RSPO4: variants seen among roughly 807,000 people sequenced by gnomAD.
RSPO4 encodes the protein R-spondin 4, also known as R-spondin-4.
A neutral mutation model predicts 24.8 loss-of-function variants in RSPO4; 23 were observed. That is an observed-to-expected ratio of 0.93 (90% CI 0.67 to 1.31). The LOEUF (loss-of-function observed/expected upper bound fraction) is 1.31. Ranked by LOEUF, RSPO4 falls within the 40% of genes most tolerant of loss-of-function variation. RSPO4 has a pLI of 0.00. For synonymous variants in RSPO4, 141 were observed against 127.4 expected, an observed-to-expected ratio of 1.11 and a Z score of -0.72; for missense variants, 333 against 316.5, an observed-to-expected ratio of 1.05 and a Z score of -0.39.
rs1984744207 is a variant in RSPO4 at position 981,840 on chromosome 20, A to C, written c.80-13702T>G. Among the ~76,000 whole-genome samples, 1 of 152,182 alleles carries C rather than the reference A, an allele frequency of 6.6e-6. No individual in the cohort carries two copies. The highest frequency in any genetic ancestry group is 1.5e-5 in the Non-Finnish European group (1 of 68,026). On this transcript the variant is annotated intron_variant, in intron 1 of 4. Transcript: ENST00000217260. This position sits in a 1 kb window ranked among gnomAD's most constrained non-coding sequence, Gnocchi z 4.6. ...TCCTGCAGGGCTCGGCTGGGGCCCA[A>C]ATCAGGGGTTGACACAGTGAGAACA...
chr20:995,188 A>G (rs943700753), intron 1 of RSPO4, among the ~76,000 whole-genome samples: 1 of 152,186 alleles, frequency 6.6e-6, no homozygotes, highest in Non-Finnish European at 1.5e-5. Context: ...AGAATTTCAG[A>G]GAGAAAATGA....
chr20:969,136 C>T (rs1384027073), intron 1 of RSPO4, among the ~76,000 whole-genome samples: 3 of 152,094 alleles, frequency 2.0e-5, no homozygotes, highest in Admixed American at 6.5e-5. Context: ...GACAATATGG[C>T]GAGGCCCTGT....
At chr20:964,843 T>G (rs1233354817) in intron 3 of RSPO4, among the ~76,000 whole-genome samples, 1 of 146,018 alleles carries the variant, frequency 6.8e-6, no homozygotes, top group African/African-American at 2.8e-5. Flanking sequence ...TATATATATA[T>G]ATATACTTTG....
chr20:977,929 C>T (rs765793522), intron 1 of RSPO4, among the ~76,000 whole-genome samples: 7 of 152,212 alleles, frequency 4.6e-5, no homozygotes, highest in Non-Finnish European at 1.0e-4. Context: ...TCTGGGCACC[C>T]GCCTGCCCAC....
chr20:972,292 C>T (rs1984431408), intron 1 of RSPO4, among the ~76,000 whole-genome samples: 1 of 152,174 alleles, frequency 6.6e-6, no homozygotes, highest in Non-Finnish European at 1.5e-5. Flanking sequence ...TCTAAAACTC[C>T]TGGGCTCAAG....
At chr20:978,734 G>A (rs900431784) in intron 1 of RSPO4, among the ~76,000 whole-genome samples, 3 of 152,074 alleles carry the variant, frequency 2.0e-5, no homozygotes, top group Admixed American at 2.0e-4. Context: ...GGTTTTCTAG[G>A]GAGGCAGATG....
Position 960,254 on chromosome 20 carries a change from T to C in RSPO4, c.*103A>G. On this transcript the variant is annotated 3_prime_UTR_variant, in exon 5 of 5. Coordinates refer to ENST00000217260, the MANE Select transcript of RSPO4 (RefSeq NM_001029871.4). ...AGGGTGGAAAGAAAGAGAGGACAAA[T>C]GGAGAAGACAGAGGAGAAAGAGTAA... 1.4e-6 allele frequency: 1 copy of C among 729,194 alleles called. No individual in the cohort carries two copies. Among genetic ancestry groups the C allele is most frequent in the South Asian group, 1.5e-5 (1 of 65,766 alleles). 45.2% of individuals were successfully genotyped at this position (729,194 alleles called of 1,614,324 possible).
chr20:1,000,298 G>A (rs1298568621), intron 1 of RSPO4, among the ~76,000 whole-genome samples: 2 of 152,180 alleles, frequency 1.3e-5, no homozygotes, highest in Non-Finnish European at 2.9e-5. Context: ...CTCACCTGCT[G>A]TGCGACCTTG....
chr20:983,188 G>A (rs552732356), intron 1 of RSPO4, among the ~76,000 whole-genome samples: 23 of 152,314 alleles, frequency 1.5e-4, no homozygotes, highest in African/African-American at 5.3e-4. Flanking sequence ...TCAGGGCTAG[G>A]AATTAGGACC....
At chr20:967,853 A>G in intron 2 of RSPO4, 97 bp downstream of exon 2, 2 of 1,232,424 alleles carry the variant, frequency 1.6e-6, no homozygotes, top group Non-Finnish European at 2.4e-6. Context: ...ACATGCACCT[A>G]CTTCCCCTCT....
intron 1 of RSPO4, among the ~76,000 whole-genome samples, chr20:983,971 T>TGGGG (rs1417889691): frequency 2.0e-5 from 3 of 152,124 alleles, no homozygotes; most frequent in African/African-American, 2.4e-5. Context: ...TTTTAAGTAC[T>TGGGG]GGGGAGAGTC....
intron 1 of RSPO4, among the ~76,000 whole-genome samples, chr20:982,819 G>T (rs554006676): frequency 6.6e-6 from 1 of 152,230 alleles, no homozygotes; most frequent in South Asian, 2.1e-4. Context: ...CTTGTCGGGG[G>T]TTTATGATTC....
chr20:985,132 CATCT>C (rs1456458138), intron 1 of RSPO4, among the ~76,000 whole-genome samples: 1 of 142,896 alleles, frequency 7.0e-6, no homozygotes, highest in African/African-American at 2.6e-5. Context: ...CCCACCCACT[CATCT>C]ATCCATCCAT....
chr20:1,001,353 T>C (rs925183340), intron 1 of RSPO4, among the ~76,000 whole-genome samples: 3 of 152,186 alleles, frequency 2.0e-5, no homozygotes, highest in Admixed American at 2.0e-4. Flanking sequence ...CCAACCCACC[T>C]TCTGAGGATG....
intron 1 of RSPO4, among the ~76,000 whole-genome samples, chr20:993,382 C>A (rs906591320): frequency 1.5e-4 from 23 of 152,224 alleles, no homozygotes; most frequent in African/African-American, 5.3e-4. Flanking sequence ...CCGAAGGGAT[C>A]TGGAAGAATC....
At position 968,120 on chromosome 20, in the gene RSPO4, C is replaced by G; in HGVS notation, c.98G>C (p.Gly33Ala). ...GCAGATGATACAGCCTGTGCAGTTG[C>G]CCCCCAGGCCAGTGCCCACTGCCCA... ...RKKQVGTGLG[G>A]NCTGCIICSE... Residue 33 changes from glycine to alanine, a missense_variant, in exon 2 of 5, where the codon GGC (glycine) becomes GCC (alanine). Physicochemically the swap from Gly to Ala is moderately conservative, Grantham distance 60. Transcript: ENST00000217260. 2.5e-6 allele frequency: 4 copies of G among 1,613,862 alleles called. No homozygotes were observed. The highest frequency in any genetic ancestry group is 3.4e-6 in the Non-Finnish European group (4 of 1,179,918).
intron 1 of RSPO4, among the ~76,000 whole-genome samples, chr20:978,047 T>A (rs1316385246): frequency 6.6e-6 from 1 of 151,982 alleles, no homozygotes; most frequent in Non-Finnish European, 1.5e-5. Context: ...AGCAAGGGGG[T>A]GGGCCCTGGA....
At chr20:987,387 G>A (rs1274631205) in intron 1 of RSPO4, among the ~76,000 whole-genome samples, 3 of 152,132 alleles carry the variant, frequency 2.0e-5, no homozygotes, top group Non-Finnish European at 4.4e-5. Context: ...GCCTTAGAGG[G>A]TAGAGGTAGG....
chr20:997,833 G>A (rs1211185697), intron 1 of RSPO4, among the ~76,000 whole-genome samples: 3 of 152,314 alleles, frequency 2.0e-5, no homozygotes, highest in Admixed American at 6.5e-5. Context: ...TCAGAGAGAG[G>A]AGAAGGTTTG....
Sources: gnomAD v4.1 joint callset for allele counts (sites outside exome capture counted in the v4.1 genomes callset) on GRCh38, gnomAD v4.1.1 for gene constraint, Gnocchi (gnomAD v3.1) non-coding constraint, MANE v1.5 for transcripts, NCBI Gene and HGNC (gene_info 2026-07-23, HGNC 2026-07-21) for gene names.